RNF187: variants seen among roughly 807,000 people sequenced by gnomAD.
RNF187 encodes the protein ring finger protein 187, also known as E3 ubiquitin-protein ligase RNF187.
Under a neutral mutation model 22.2 loss-of-function variants are expected in RNF187, and 18 were observed. That is an observed-to-expected ratio of 0.81 (90% CI 0.56 to 1.20). The LOEUF (loss-of-function observed/expected upper bound fraction) is 1.20, where lower values mean the gene tolerates loss of function less well. RNF187 is among the 50% of genes most tolerant of loss of function. The probability of loss-of-function intolerance (pLI) is 0.00; values close to 1 mark genes in which losing one functional copy is unlikely to be tolerated. For missense variants in RNF187, 329 were observed against 317.6 expected, an observed-to-expected ratio of 1.04 and a Z score of -0.27; for synonymous variants, 164 against 140.9, an observed-to-expected ratio of 1.16 and a Z score of -1.16.
At chr1:228,488,390 C>T in intron 1 of RNF187, 2 of 155,592 alleles carry the variant, frequency 1.3e-5, no homozygotes, top group Non-Finnish European at 2.8e-5. Flanking sequence ...ACCCAGCCCT[C>T]GCCTGCACCC....
In RNF187 at chr1:228,495,695, C is replaced by G; in HGVS notation, c.*1810C>G. ...CACCATCCTCACCTAACCTAGCTGA[C>G]CAGCAACATCCCACCCTGTCAATCA... On this transcript the variant is annotated 3_prime_UTR_variant, in exon 4 of 4. Coordinates refer to ENST00000305943, the MANE Select transcript of RNF187 (RefSeq NM_001010858.3). 2 of 985,586 alleles carry G rather than the reference C, an allele frequency of 2.0e-6. No individual in the cohort carries two copies. Among genetic ancestry groups the G allele is most frequent in the South Asian group, 4.7e-5 (1 of 21,288 alleles). 61.1% of individuals were successfully genotyped at this position (985,586 alleles called of 1,614,324 possible).
chr1:228,493,312 A>C lies in RNF187; in HGVS notation c.705+38A>C. On this transcript the variant is annotated intron_variant, in intron 3 of 3. Transcript: ENST00000305943. This position sits in a 1 kb window ranked among gnomAD's most constrained non-coding sequence, Gnocchi z 4.7. ...CGCTGGGTCTGCCCACCATCGGGCC[A>C]GGGTGGACGCAGGCAGCAGCGAGCC... 1 of 1,528,908 alleles carries C rather than the reference A, an allele frequency of 6.5e-7. No homozygotes were observed. Among genetic ancestry groups the C allele is most frequent in the Non-Finnish European group, 8.8e-7 (1 of 1,133,420 alleles). 94.7% of individuals were successfully genotyped at this position (1,528,908 alleles called of 1,614,324 possible). A position where few individuals can be genotyped will look rare whatever the true frequency, so the allele number is the denominator to read the frequency against.
In RNF187 at chr1:228,495,324, A is replaced by G; in HGVS notation, c.*1439A>G. On this transcript the variant is annotated 3_prime_UTR_variant, in exon 4 of 4. Transcript: ENST00000305943. ...ATTGGCTGCAAACGGTCAGAGAGGAACCCAGTCAGGTACCATTGAGGGTGG... is the reference window on the plus strand; with the variant it reads ...ATTGGCTGCAAACGGTCAGAGAGGAGCCCAGTCAGGTACCATTGAGGGTGG... 1 of 313,986 alleles carries G rather than the reference A, an allele frequency of 3.2e-6. No individual in the cohort carries two copies. Among genetic ancestry groups the G allele is most frequent in the Non-Finnish European group, 4.6e-6 (1 of 216,218 alleles). The allele number at this position is 313,986 out of a possible 1,614,324, so 19.4% of individuals were successfully genotyped here. A position where few individuals can be genotyped will look rare whatever the true frequency, so the allele number is the denominator to read the frequency against.
In RNF187 at chr1:228,489,858, C is replaced by G; in HGVS notation, c.483+806C>G. Among the ~76,000 whole-genome samples, 5 of 152,166 alleles carry G rather than the reference C, an allele frequency of 3.3e-5. No homozygotes were observed. The South Asian group carries it at 8.3e-4, about 25-fold the overall frequency. The stretch of plus-strand genomic sequence containing the variant: ...CTCCCAAGGGTCCTGCCTCCTAACG[C>G]CATCACCTGAGGGATGAGGATTTCA... On this transcript the variant is annotated intron_variant, in intron 2 of 3. Transcript: ENST00000305943.
In RNF187 at chr1:228,494,881, T is replaced by C; in HGVS notation, c.*996T>C. ...TCCAGATGAAGCCTTTCAGCCCTTC[T>C]GAGTCCCCGGCCCTTGGTGCGATGT... On this transcript the variant is annotated 3_prime_UTR_variant, in exon 4 of 4. Coordinates refer to ENST00000305943, the MANE Select transcript of RNF187 (RefSeq NM_001010858.3). 282 of 985,430 alleles carry C rather than the reference T, an allele frequency of 2.9e-4. 1 individual carries two copies. In the East Asian group the frequency reaches 4.9e-3, roughly 17 times the overall value. 61.0% of individuals were successfully genotyped at this position (985,430 alleles called of 1,614,324 possible).
At chr1:228,492,110 G>T in intron 2 of RNF187, among the ~76,000 whole-genome samples, 1 of 152,206 alleles carries the variant, frequency 6.6e-6, no homozygotes, top group South Asian at 2.1e-4. Flanking sequence ...GAGTGCAGTG[G>T]TATGGTCATA....
intron 2 of RNF187, 90 bp from the exon 3 acceptor site, chr1:228,492,963 T>C: frequency 3.7e-6 from 5 of 1,352,740 alleles, no homozygotes; most frequent in Non-Finnish European, 3.0e-6. Context: ...TGGAGTGGCA[T>C]GTTCTTAACT....
chr1:228,488,482 G>T, intron 1 of RNF187: 1 of 154,762 alleles, frequency 6.5e-6, no homozygotes, highest in Non-Finnish European at 1.4e-5. Flanking sequence ...CTTGCCCATG[G>T]CGGGTTGGTT....
At chr1:228,489,547 G>T in intron 2 of RNF187, among the ~76,000 whole-genome samples, 2 of 152,076 alleles carry the variant, frequency 1.3e-5, no homozygotes, top group African/African-American at 4.8e-5. Flanking sequence ...CGGTTCTCCC[G>T]CCTTGGCCTC....
At position 228,493,145 on chromosome 1, in the gene RNF187, G is replaced by A. The variant is rs1484540285; in HGVS notation, c.576G>A (p.Glu192=). The A allele has an allele frequency of 6.4e-7, 1 of 1,551,774 alleles. No homozygotes were observed. The change falls in exon 3 of 4, where the codon GAG becomes GAA. Residue 192 remains glutamate, a synonymous_variant. Transcript: ENST00000305943. The surrounding 1 kb of genome is among the most constrained non-coding windows in gnomAD (Gnocchi z 4.7). Reference sequence around the variant, plus strand: ...AGGAGGAGGAGCATTTCCTGCAGGAGGCTGAGAAGGAGGAGGGGCTCCCTG... The same window carrying A: ...AGGAGGAGGAGCATTTCCTGCAGGAAGCTGAGAAGGAGGAGGGGCTCCCTG...
rs1658875391 is a variant in RNF187, at chr1:228,487,828, C to G, written c.340C>G (p.Pro114Ala). ...CGCCGCCTGCCGTATGGCTGCGGGC[C>G]CCGAGCCGCCCGAGTGGGAACCGCG... Residue 114 changes from proline to alanine, a missense_variant, in exon 1 of 4, where the codon CCC (proline) becomes GCC (alanine). Coordinates refer to ENST00000305943, the MANE Select transcript of RNF187 (RefSeq NM_001010858.3). The G allele has an allele frequency of 8.2e-7, 1 of 1,218,304 alleles. No homozygotes were observed. The highest frequency in any genetic ancestry group is 1.0e-6 in the Non-Finnish European group (1 of 973,944). 75.5% of individuals were successfully genotyped at this position (1,218,304 alleles called of 1,614,324 possible).
chr1:228,487,926 C>T, intron 1 of RNF187, 48 bp downstream of exon 1: 29 of 1,102,982 alleles, frequency 2.6e-5, no homozygotes, highest in Non-Finnish European at 3.1e-5. Flanking sequence ...TGCCCTGCGC[C>T]TCTCCGCCCC....
chr1:228,488,588 CCTGCATTGGGGGTCCTG>C lies in RNF187; in HGVS notation c.391-370_391-354del. 3 of 185,032 alleles carry C rather than the reference CCTGCATTGGGGGTCCTG, an allele frequency of 1.6e-5. No homozygotes were observed. In the South Asian group the frequency reaches 2.9e-4, roughly 18 times the overall value. 11.5% of individuals were successfully genotyped at this position (185,032 alleles called of 1,614,324 possible). On this transcript the variant is annotated intron_variant, in intron 1 of 3. Transcript: ENST00000305943. ...CCAGACTGTGTCCCTGGGTGCTCCT[CCTGCATTGGGGGTCCTG>C]CCACCGGGCAGAGCGACCCCCATCC...
At chr1:228,491,553 G>C in intron 2 of RNF187, among the ~76,000 whole-genome samples, 3 of 151,492 alleles carry the variant, frequency 2.0e-5, no homozygotes, top group African/African-American at 7.3e-5. Flanking sequence ...TGGTTCTCCT[G>C]CCTCAGCCTC....
chr1:228,488,589 C>T, intron 1 of RNF187: 3 of 185,844 alleles, frequency 1.6e-5, no homozygotes, highest in East Asian at 1.5e-4. Context: ...GGTGCTCCTC[C>T]TGCATTGGGG....
chr1:228,487,711 C>T lies in RNF187; in HGVS notation c.223C>T (p.Leu75Phe), dbSNP rs1658870610. The T allele has an allele frequency of 9.5e-7, 1 of 1,048,516 alleles. No individual in the cohort carries two copies. Among genetic ancestry groups the T allele is most frequent in the South Asian group, 4.4e-5 (1 of 22,872 alleles). 65.0% of individuals were successfully genotyped at this position (1,048,516 alleles called of 1,614,324 possible). A position where few individuals can be genotyped will look rare whatever the true frequency, so the allele number is the denominator to read the frequency against. Residue 75 changes from leucine to phenylalanine, a missense_variant, in exon 1 of 4, where the codon CTC (leucine) becomes TTC (phenylalanine). Transcript: ENST00000305943. Reference sequence around the variant, plus strand: ...CCCGCTCAGCCGCCGCCTTCTGGCGCTCGAGGAGGCGGCCGCGGCGCCCGC... The same window carrying T: ...CCCGCTCAGCCGCCGCCTTCTGGCGTTCGAGGAGGCGGCCGCGGCGCCCGC...
At chr1:228,491,718 G>A in intron 2 of RNF187, among the ~76,000 whole-genome samples, 1 of 152,118 alleles carries the variant, frequency 6.6e-6, no homozygotes. Context: ...GGGATTACAG[G>A]TGTGAGCCAC....
In RNF187 at chr1:228,495,675, T is replaced by A; in HGVS notation, c.*1790T>A. Reference sequence around the variant, plus strand: ...ACCAGGTCCGACAGTGGCTTCACCATCCTCACCTAACCTAGCTGACCAGCA... The same window carrying A: ...ACCAGGTCCGACAGTGGCTTCACCAACCTCACCTAACCTAGCTGACCAGCA... On this transcript the variant is annotated 3_prime_UTR_variant, in exon 4 of 4. Transcript: ENST00000305943. The A allele has an allele frequency of 1.0e-6, 1 of 985,542 alleles. No homozygotes were observed. Among genetic ancestry groups the A allele is most frequent in the Non-Finnish European group, 1.2e-6 (1 of 829,930 alleles). The allele number at this position is 985,542 out of a possible 1,614,324, so 61.0% of individuals were successfully genotyped here. A position where few individuals can be genotyped will look rare whatever the true frequency, so the allele number is the denominator to read the frequency against.
chr1:228,487,400 T>A lies in RNF187; in HGVS notation c.-89T>A, dbSNP rs1297983656. 1 of 1,044,316 alleles carries A rather than the reference T, an allele frequency of 9.6e-7. No homozygotes were observed. Among genetic ancestry groups the A allele is most frequent in the African/African-American group, 1.8e-5 (1 of 56,174 alleles). 64.7% of individuals were successfully genotyped at this position (1,044,316 alleles called of 1,614,324 possible). On this transcript the variant is annotated 5_prime_UTR_variant, in exon 1 of 4. It adds an upstream start codon to the 5' untranslated region. Coordinates refer to ENST00000305943, the MANE Select transcript of RNF187 (RefSeq NM_001010858.3). ...CCCCGGCGTTGGCGTCTTCGTCCTG[T>A]TGCTGGTCTCCGTCCGGTCGCCGGC...
Sources: gnomAD v4.1 joint callset for allele counts (sites outside exome capture counted in the v4.1 genomes callset) on GRCh38, gnomAD v4.1.1 for gene constraint, Gnocchi (gnomAD v3.1) non-coding constraint, MANE v1.5 for transcripts, NCBI Gene and HGNC (gene_info 2026-07-23, HGNC 2026-07-21) for gene names.